The following BCAS3 variants were observed in gnomAD, a reference collection of about 807,000 sequenced individuals.
The protein encoded by BCAS3 is BCAS4/BCAS3 fusion.
BCAS3 carries 53 observed loss-of-function variants against 116.1 expected under a neutral mutation model. That is an observed-to-expected ratio of 0.46 (90% CI 0.37 to 0.57). The LOEUF (loss-of-function observed/expected upper bound fraction) is 0.57. Among genes scored for constraint, BCAS3 ranks in the 20% least tolerant of loss-of-function variants. The probability of loss-of-function intolerance (pLI) is 0.00; values close to 1 mark genes in which losing one functional copy is unlikely to be tolerated. For synonymous variants in BCAS3, 391 were observed against 408.2 expected (o/e 0.96, Z 0.51); for missense variants, 917 against 1,165.4 (o/e 0.79, Z 3.10).
chr17:60,747,232 G>A lies in BCAS3; in HGVS notation c.356G>A (p.Arg119Gln), dbSNP rs775428400. 12 of 1,612,972 alleles carry A rather than the reference G, an allele frequency of 7.4e-6. No homozygotes were observed. The highest frequency in any genetic ancestry group is 1.0e-5 in the Non-Finnish European group (12 of 1,179,176). ...GAAGCACAAGAGCTCTTCTCTGTTC[G>A]ACATGGCCCAATTCGAGCGGCTAGA... ...SGEAQELFSV[R>Q]HGPIRAARIL... The change falls in exon 6 of 24, where the codon CGA becomes CAA. Residue 119 changes from arginine (R) to glutamine (Q), a missense_variant. By Grantham distance (43) the Arg-to-Gln change is conservative. Around this residue, in one of 3 missense-constraint regions of BCAS3, gnomAD observed 807 missense variants for 1,026.0 expected, o/e 0.79. Transcript: ENST00000407086.
At chr17:60,777,632 G>A (rs9903592) in intron 6 of BCAS3, among the ~76,000 whole-genome samples, 35,029 of 151,616 alleles carry the variant, frequency 0.23, 7,196 homozygotes, top group African/African-American at 0.56. Flanking sequence ...TCTCCAAAAA[G>A]AAAAGGAAAA....
chr17:61,246,212 G>A (rs1361876415), intron 22 of BCAS3, among the ~76,000 whole-genome samples: 2 of 152,086 alleles, frequency 1.3e-5, no homozygotes, highest in Non-Finnish European at 1.5e-5. Context: ...CGGGTACAGT[G>A]GCTCACGCTT....
In BCAS3 at chr17:61,144,058, T is replaced by C. The variant is rs936058711; in HGVS notation, c.2425+59494T>C. Among the ~76,000 whole-genome samples the C allele has an allele frequency of 1.3e-5, 2 of 152,188 alleles. No homozygotes were observed. The highest frequency in any genetic ancestry group is 4.8e-5 in the African/African-American group (2 of 41,440). On this transcript the variant is annotated intron_variant, in intron 22 of 23. Transcript: ENST00000407086. This position sits in a 1 kb window ranked among gnomAD's most constrained non-coding sequence, Gnocchi z 5.0. ...AAGTAATGCTCAAATTTTCTATAAG[T>C]GTTCTGAAAATAAGTTATAAGTTTT...
At chr17:61,329,340 A>ACT (rs2056020987) in intron 22 of BCAS3, among the ~76,000 whole-genome samples, 1 of 109,416 alleles carries the variant, frequency 9.1e-6, no homozygotes, top group Admixed American at 9.3e-5. Context: ...TATTATTATT[A>ACT]TTATTTTTTT....
Position 61,205,313 on chromosome 17 carries a change from T to C in BCAS3, c.2425+120749T>C, listed in dbSNP as rs2081059215. Among the ~76,000 whole-genome samples, 1 of 152,250 alleles carries C rather than the reference T, an allele frequency of 6.6e-6. No individual in the cohort carries two copies. The highest frequency in any genetic ancestry group is 1.5e-5 in the Non-Finnish European group (1 of 68,040). The stretch of plus-strand genomic sequence containing the variant: ...AAGGAAAACTGGTTACATTTCAGCA[T>C]ATACAGCTGGACTTCCTGGTGGGCC... On this transcript the variant is annotated intron_variant, in intron 22 of 23. Coordinates refer to ENST00000407086, the MANE Select transcript of BCAS3 (RefSeq NM_017679.5). The surrounding 1 kb of genome is among the most constrained non-coding windows in gnomAD (Gnocchi z 5.2).
intron 14 of BCAS3, among the ~76,000 whole-genome samples, chr17:60,971,908 G>C (rs969047121): frequency 6.6e-6 from 1 of 152,164 alleles, no homozygotes; most frequent in Non-Finnish European, 1.5e-5. Flanking sequence ...CTTTGTAGCT[G>C]GTTAATAGCA....
At chr17:60,833,306 C>G (rs1362580255) in intron 7 of BCAS3, among the ~76,000 whole-genome samples, 1 of 152,154 alleles carries the variant, frequency 6.6e-6, no homozygotes, top group Non-Finnish European at 1.5e-5. Flanking sequence ...ACTAATAGCA[C>G]TTTTTTTATA....
intron 22 of BCAS3, among the ~76,000 whole-genome samples, chr17:61,237,286 ACCAATCAGTGCTCTGTAAAATGCC>A (rs1037180266): frequency 5.9e-5 from 9 of 152,238 alleles, no homozygotes; most frequent in Non-Finnish European, 1.3e-4. Context: ...TGTAAAGCAC[ACCAATCAGTGCTCTGTAAAATGCC>A]CCAATCAGTG....
chr17:61,000,570 G>A (rs777234750), intron 15 of BCAS3, among the ~76,000 whole-genome samples: 3 of 152,052 alleles, frequency 2.0e-5, no homozygotes, highest in Admixed American at 6.6e-5. Flanking sequence ...GAGGATTACT[G>A]TAGTTTCTAT....
intron 9 of BCAS3, among the ~76,000 whole-genome samples, chr17:60,882,486 T>C (rs1488942426): frequency 6.6e-6 from 1 of 152,014 alleles, no homozygotes; most frequent in African/African-American, 2.4e-5. Flanking sequence ...TTGCCATTGC[T>C]TTTGGTGTTT....
rs1161903666 is a variant in BCAS3 at position 61,343,047 on chromosome 17, C to T, written c.2426-25280C>T. ...GATTACAGGCGTGAGCCACTGAGCC[C>T]AGCCGAGATTTTCTTTTAAAGGAAG... On this transcript the variant is annotated intron_variant, in intron 22 of 23. Coordinates refer to ENST00000407086, the MANE Select transcript of BCAS3 (RefSeq NM_017679.5). This position sits in a 1 kb window ranked among gnomAD's most constrained non-coding sequence, Gnocchi z 5.5. 6.6e-6 allele frequency among the ~76,000 whole-genome samples: 1 copy of T among 152,202 alleles called. No individual in the cohort carries two copies. The highest frequency in any genetic ancestry group is 1.5e-5 in the Non-Finnish European group (1 of 68,046).
At chr17:60,710,666 C>T (rs1047072910) in intron 5 of BCAS3, among the ~76,000 whole-genome samples, 4 of 151,760 alleles carry the variant, frequency 2.6e-5, no homozygotes, top group Non-Finnish European at 4.4e-5. Flanking sequence ...CTGCTGACCT[C>T]GTGATCCGCC....
At chr17:60,865,346 G>A (rs1029981103) in intron 7 of BCAS3, among the ~76,000 whole-genome samples, 5 of 152,152 alleles carry the variant, frequency 3.3e-5, no homozygotes, top group African/African-American at 1.2e-4. Context: ...GATTTTGATT[G>A]TGATTATTAA....
rs1000350247 is a variant in BCAS3 at position 61,188,967 on chromosome 17, A to T, written c.2425+104403A>T. Among the ~76,000 whole-genome samples, 3 of 152,060 alleles carry T rather than the reference A, an allele frequency of 2.0e-5. No individual in the cohort carries two copies. The highest frequency in any genetic ancestry group is 7.2e-5 in the African/African-American group (3 of 41,392). ...AACATCAAAAAATCAGCCGGGCGTG[A>T]TGGTGCATGCCTATAGTCCCAGCTA... On this transcript the variant is annotated intron_variant, in intron 22 of 23. Coordinates refer to ENST00000407086, the MANE Select transcript of BCAS3 (RefSeq NM_017679.5). This position sits in a 1 kb window ranked among gnomAD's most constrained non-coding sequence, Gnocchi z 4.0.
intron 15 of BCAS3, among the ~76,000 whole-genome samples, chr17:61,010,211 T>A (rs1308042784): frequency 6.6e-6 from 1 of 152,008 alleles, no homozygotes. Flanking sequence ...TGTTCACTTT[T>A]ATCCTCAACT....
intron 22 of BCAS3, among the ~76,000 whole-genome samples, chr17:61,242,617 C>T (rs1340333027): frequency 6.6e-6 from 1 of 152,152 alleles, no homozygotes; most frequent in East Asian, 1.9e-4. Context: ...TGGTTAAAAT[C>T]TCATAAGATT....
At chr17:60,763,568 C>G (rs1019863744) in intron 6 of BCAS3, among the ~76,000 whole-genome samples, 2 of 152,092 alleles carry the variant, frequency 1.3e-5, no homozygotes, top group African/African-American at 2.4e-5. Context: ...GGTGGATAAG[C>G]TTTTTGATGT....
intron 12 of BCAS3, among the ~76,000 whole-genome samples, chr17:60,922,788 C>T (rs543703154): frequency 2.0e-5 from 3 of 152,058 alleles, no homozygotes; most frequent in Non-Finnish European, 2.9e-5. Flanking sequence ...TAACAAAATT[C>T]GATTTGGGGA....
intron 13 of BCAS3, among the ~76,000 whole-genome samples, chr17:60,927,687 C>T (rs1473115398): frequency 6.6e-6 from 1 of 152,122 alleles, no homozygotes; most frequent in Non-Finnish European, 1.5e-5. Context: ...ATATAGCAAT[C>T]TATGAAGCCT....
Sources: allele counts gnomAD v4.1 joint callset (sites outside exome capture counted in the v4.1 genomes callset), GRCh38; gene constraint gnomAD v4.1.1; regional missense constraint gnomAD v4.1.1; non-coding constraint Gnocchi (gnomAD v3.1); transcripts MANE v1.5; gene names NCBI Gene and HGNC (gene_info 2026-07-23, HGNC 2026-07-21).